Variants in PGM2L1 observed in about 807,000 individuals in gnomAD.
The protein encoded by PGM2L1 is phosphoglucomutase 2 like 1, also known as glucose 1,6-bisphosphate synthase.
In PGM2L1, 35 loss-of-function variants were observed where a neutral mutation model predicts 73.4. That is an observed-to-expected ratio of 0.48 (90% CI 0.36 to 0.63). The LOEUF (loss-of-function observed/expected upper bound fraction) is 0.63, where lower values mean the gene tolerates loss of function less well. Ranked by LOEUF, PGM2L1 falls within the 30% of genes least tolerant of loss-of-function variation. PGM2L1 has a pLI of 0.00. For missense variants in PGM2L1, 570 were observed against 742.0 expected (o/e 0.77, Z 2.69); for synonymous variants, 225 against 253.8 (o/e 0.89, Z 1.08).
At position 74,368,515 on chromosome 11, in the gene PGM2L1, G is replaced by C. The variant is rs769475157; in HGVS notation, c.532C>G (p.Arg178Gly). The C allele has an allele frequency of 6.2e-7, 1 of 1,613,422 alleles. No individual in the cohort carries two copies. The highest frequency in any genetic ancestry group is 1.1e-5 in the South Asian group (1 of 91,068). ...AGVMITASHN[R>G]KEDNGYKVYW... is the part of the protein sequence containing the mutation. ...ACCTTGTATCCATTGTCTTCCTTGC[G>C]GTTGTGAGAGGCAGTAATCATCACA... Residue 178 changes from arginine to glycine, a missense_variant, in exon 5 of 14, where the codon CGC (arginine) becomes GGC (glycine). Coordinates refer to ENST00000298198, the MANE Select transcript of PGM2L1 (RefSeq NM_173582.6).
chr11:74,359,470 T>C (rs904435834), intron 5 of PGM2L1, among the ~76,000 whole-genome samples: 2 of 151,904 alleles, frequency 1.3e-5, no homozygotes, highest in Non-Finnish European at 2.9e-5. Context: ...TTTCTTAATA[T>C]ACAAGCACAA....
chr11:74,385,936 T>C (rs1591191335), intron 1 of PGM2L1, among the ~76,000 whole-genome samples: 1 of 152,136 alleles, frequency 6.6e-6, no homozygotes, highest in African/African-American at 2.4e-5. Context: ...AAAAATTATA[T>C]GCAAAATGAT....
At chr11:74,383,483 T>C (rs762147712) in intron 1 of PGM2L1, among the ~76,000 whole-genome samples, 2 of 152,124 alleles carry the variant, frequency 1.3e-5, no homozygotes, top group Non-Finnish European at 2.9e-5. Context: ...ATATTCCAGA[T>C]ACATGTGCCA....
At position 74,330,939 on chromosome 11, in the gene PGM2L1, G is replaced by A. The variant is rs952253759; in HGVS notation, c.*5713C>T. 2 of 152,122 alleles carry A rather than the reference G, an allele frequency of 1.3e-5. No homozygotes were observed. Among genetic ancestry groups the A allele is most frequent in the Non-Finnish European group, 2.9e-5 (2 of 68,012 alleles). 9.4% of individuals were successfully genotyped at this position (152,122 alleles called of 1,614,324 possible). The stretch of plus-strand genomic sequence containing the variant: ...AATAAACATTACATTATAAAGTTCA[G>A]TGATGGGACTTCATTGAAAAAACTG... On this transcript the variant is annotated 3_prime_UTR_variant, in exon 14 of 14. Coordinates refer to ENST00000298198, the MANE Select transcript of PGM2L1 (RefSeq NM_173582.6).
At chr11:74,396,515 A>C (rs995831593) in intron 1 of PGM2L1, among the ~76,000 whole-genome samples, 3 of 152,038 alleles carry the variant, frequency 2.0e-5, no homozygotes, top group Admixed American at 6.5e-5. Context: ...CCCGGGTTCA[A>C]GCCATTCTCC....
intron 1 of PGM2L1, among the ~76,000 whole-genome samples, chr11:74,393,963 T>C (rs975462401): frequency 4.5e-5 from 5 of 112,174 alleles, no homozygotes; most frequent in Non-Finnish European, 9.1e-5. Context: ...TTTGACAGAA[T>C]GTAAGAAAGC....
intron 1 of PGM2L1, among the ~76,000 whole-genome samples, chr11:74,376,388 T>C (rs1208883113): frequency 6.6e-6 from 1 of 151,976 alleles, no homozygotes; most frequent in Non-Finnish European, 1.5e-5. Context: ...ATAATGCTTC[T>C]GATAACAATT....
chr11:74,350,414 G>C (rs994607465), intron 6 of PGM2L1, among the ~76,000 whole-genome samples: 2 of 152,142 alleles, frequency 1.3e-5, no homozygotes, highest in African/African-American at 4.8e-5. Context: ...ATCTAACATA[G>C]AGGAAATACA....
rs11501743 is a variant in PGM2L1, at chr11:74,362,501, C to T, written c.555+5991G>A. Reference sequence around the variant, plus strand: ...CTGCATCAACTAACGAGCAAAATAACCAGCTAACATCATAATGACAGGATC... The same window carrying T: ...CTGCATCAACTAACGAGCAAAATAATCAGCTAACATCATAATGACAGGATC... On this transcript the variant is annotated intron_variant, in intron 5 of 13. Coordinates refer to ENST00000298198, the MANE Select transcript of PGM2L1 (RefSeq NM_173582.6). Among the ~76,000 whole-genome samples, 609 of 152,238 alleles carry T rather than the reference C, an allele frequency of 4.0e-3. 6 individuals carry two copies. Among genetic ancestry groups the T allele is most frequent in the African/African-American group, 0.014 (576 of 41,532 alleles).
chr11:74,395,944 A>C (rs1220259300), intron 1 of PGM2L1, among the ~76,000 whole-genome samples: 1 of 152,052 alleles, frequency 6.6e-6, no homozygotes, highest in Non-Finnish European at 1.5e-5. Context: ...AAATTCATTC[A>C]AACAATCTTT....
Position 74,331,334 on chromosome 11 carries a change from C to T in PGM2L1, c.*5318G>A, listed in dbSNP as rs1019118733. The T allele has an allele frequency of 7.0e-5, 10 of 143,642 alleles. No homozygotes were observed. Among genetic ancestry groups the T allele is most frequent in the African/African-American group, 2.0e-4 (8 of 39,610 alleles). 8.9% of individuals were successfully genotyped at this position (143,642 alleles called of 1,614,324 possible). Reference sequence around the variant, plus strand: ...CTGGAGTGCAACGGCGCGATCTTGGCTCACCACAACCTCCACCTCCTGGGT... The same window carrying T: ...CTGGAGTGCAACGGCGCGATCTTGGTTCACCACAACCTCCACCTCCTGGGT... On this transcript the variant is annotated 3_prime_UTR_variant, in exon 14 of 14. Coordinates refer to ENST00000298198, the MANE Select transcript of PGM2L1 (RefSeq NM_173582.6).
intron 3 of PGM2L1, 23 bp from the exon 4 acceptor site, chr11:74,371,009 T>C: frequency 6.3e-7 from 1 of 1,592,694 alleles, no homozygotes; most frequent in Non-Finnish European, 8.6e-7. Context: ...AGATTTAACT[T>C]AGTCCTTTGC....
rs1008832479 is a variant in PGM2L1 at position 74,333,840 on chromosome 11, A to G, written c.*2812T>C. 1.3e-5 allele frequency: 2 copies of G among 152,230 alleles called. No homozygotes were observed. Among genetic ancestry groups the G allele is most frequent in the Admixed American group, 6.5e-5 (1 of 15,282 alleles). 9.4% of individuals were successfully genotyped at this position (152,230 alleles called of 1,614,324 possible). A position where few individuals can be genotyped will look rare whatever the true frequency, so the allele number is the denominator to read the frequency against. The stretch of plus-strand genomic sequence containing the variant: ...ATTCTCTCCTTTTCTCCAAAGCTTT[A>G]GAAAATTCCAGTTTTGACTTTCATG... On this transcript the variant is annotated 3_prime_UTR_variant, in exon 14 of 14. Transcript: ENST00000298198.
intron 1 of PGM2L1, among the ~76,000 whole-genome samples, chr11:74,391,602 G>A (rs1863102730): frequency 6.6e-6 from 1 of 151,976 alleles, no homozygotes; most frequent in Non-Finnish European, 1.5e-5. Context: ...TTATTTGATG[G>A]AATAATTGTC....
chr11:74,392,784 C>T (rs1246350013), intron 1 of PGM2L1, among the ~76,000 whole-genome samples: 2 of 152,232 alleles, frequency 1.3e-5, no homozygotes, highest in African/African-American at 4.8e-5. Context: ...TTGTGATCCG[C>T]CCGCCTCGGC....
At chr11:74,374,298 G>T in intron 2 of PGM2L1, 117 bp downstream of exon 2, 6 of 801,268 alleles carry the variant, frequency 7.5e-6, no homozygotes, top group Non-Finnish European at 1.1e-5. Flanking sequence ...TGGCCAGGAT[G>T]ATCTCGATCT....
chr11:74,334,709 T>C lies in PGM2L1; in HGVS notation c.*1943A>G, dbSNP rs887526830. The stretch of plus-strand genomic sequence containing the variant: ...AAACGAAACCATGATTTAAGGAACA[T>C]TCTAATCAGTTCAAACTTTATATTA... On this transcript the variant is annotated 3_prime_UTR_variant, in exon 14 of 14. Transcript: ENST00000298198. 2.0e-5 allele frequency: 3 copies of C among 152,332 alleles called. No individual in the cohort carries two copies. The East Asian group carries it at 5.8e-4, about 29-fold the overall frequency. The allele number at this position is 152,332 out of a possible 1,614,324, so 9.4% of individuals were successfully genotyped here.
intron 1 of PGM2L1, among the ~76,000 whole-genome samples, chr11:74,391,623 A>C (rs189163293): frequency 2.0e-4 from 30 of 152,314 alleles, no homozygotes; most frequent in Non-Finnish European, 4.1e-4. Context: ...TTATTTAATC[A>C]AAAAACATTA....
At chr11:74,360,143 T>C (rs576607364) in intron 5 of PGM2L1, among the ~76,000 whole-genome samples, 38 of 152,144 alleles carry the variant, frequency 2.5e-4, no homozygotes, top group Admixed American at 2.1e-3. Flanking sequence ...GGCAGGAGGA[T>C]TGCTTGAACC....
Sources: allele counts gnomAD v4.1 joint callset (sites outside exome capture counted in the v4.1 genomes callset), GRCh38; gene constraint gnomAD v4.1.1; transcripts MANE v1.5; gene names NCBI Gene and HGNC (gene_info 2026-07-23, HGNC 2026-07-21).